Variants in GRIN2A observed in about 807,000 individuals in gnomAD.
GRIN2A encodes the protein glutamate ionotropic receptor NMDA type subunit 2A.
Under a neutral mutation model 113.4 loss-of-function variants are expected in GRIN2A, and 22 were observed. The ratio of observed to expected loss-of-function variants is 0.19; its 90% confidence interval spans 0.14 to 0.28. GRIN2A has a LOEUF of 0.28. Ranked by LOEUF, GRIN2A falls within the 10% of genes least tolerant of loss-of-function variation. The probability of loss-of-function intolerance (pLI) is 1.00; values close to 1 mark genes in which losing one functional copy is unlikely to be tolerated. For synonymous variants in GRIN2A, 827 were observed against 738.4 expected (o/e 1.12, Z -1.94); for missense variants, 1,502 against 1,887.0 (o/e 0.80, Z 3.78).
chr16:10,172,488 G>A (rs2142362152), intron 2 of GRIN2A, among the ~76,000 whole-genome samples: 1 of 152,350 alleles, frequency 6.6e-6, no homozygotes, highest in South Asian at 2.1e-4. Context: ...ACAGCCAAGT[G>A]CCTTCAGGAT....
At chr16:9,820,199 C>G (rs973687788) in intron 10 of GRIN2A, among the ~76,000 whole-genome samples, 1 of 152,122 alleles carries the variant, frequency 6.6e-6, no homozygotes, top group African/African-American at 2.4e-5. Flanking sequence ...ATTTTGTGCT[C>G]TGGTTAATAA....
intron 3 of GRIN2A, among the ~76,000 whole-genome samples, chr16:9,903,286 C>G (rs2043969413): frequency 3.3e-5 from 5 of 152,036 alleles, no homozygotes; most frequent in Admixed American, 2.6e-4. Context: ...TTTTCTTAAT[C>G]CATTCCTCAT....
intron 2 of GRIN2A, among the ~76,000 whole-genome samples, chr16:9,941,105 A>G (rs1490896992): frequency 1.3e-5 from 2 of 152,228 alleles, no homozygotes; most frequent in South Asian, 2.1e-4. Context: ...TCTTGCACTA[A>G]GTACACAAGG....
chr16:9,958,009 G>A (rs191148696), intron 2 of GRIN2A, among the ~76,000 whole-genome samples: 1 of 152,104 alleles, frequency 6.6e-6, no homozygotes, highest in African/African-American at 2.4e-5. Context: ...AGTTATACCA[G>A]GAAAGAGAGA....
chr16:9,948,400 C>T (rs1370647314), intron 2 of GRIN2A, among the ~76,000 whole-genome samples: 2 of 152,184 alleles, frequency 1.3e-5, no homozygotes, highest in African/African-American at 4.8e-5. Flanking sequence ...TCAGTTGCTG[C>T]TAGTCCATGG....
At chr16:10,011,946 G>A (rs1212710062) in intron 2 of GRIN2A, among the ~76,000 whole-genome samples, 5 of 152,132 alleles carry the variant, frequency 3.3e-5, no homozygotes, top group Non-Finnish European at 2.9e-5. Flanking sequence ...TTTTCTGGAG[G>A]CTGGAGACCA....
chr16:10,104,701 A>G (rs2048461635), intron 2 of GRIN2A, among the ~76,000 whole-genome samples: 1 of 152,182 alleles, frequency 6.6e-6, no homozygotes, highest in African/African-American at 2.4e-5. Context: ...CTAGGCAAAA[A>G]GTGCAAAGCA....
At chr16:9,964,256 A>G (rs986720095) in intron 2 of GRIN2A, among the ~76,000 whole-genome samples, 3 of 152,216 alleles carry the variant, frequency 2.0e-5, no homozygotes, top group Non-Finnish European at 4.4e-5. Context: ...TTACAGTACA[A>G]GTGTGGCCCT....
intron 3 of GRIN2A, among the ~76,000 whole-genome samples, chr16:9,892,144 T>C (rs369951517): frequency 6.6e-6 from 1 of 152,034 alleles, no homozygotes; most frequent in East Asian, 1.9e-4. Context: ...GGCAGGAGAA[T>C]TGCTTGAACC....
In GRIN2A at chr16:9,756,981, G is replaced by A. The variant is rs1330990137; in HGVS notation, c.*6168C>T. 5.1e-6 allele frequency: 1 copy of A among 194,808 alleles called. No homozygotes were observed. The highest frequency in any genetic ancestry group is 1.1e-5 in the Non-Finnish European group (1 of 93,614). 12.1% of individuals were successfully genotyped at this position (194,808 alleles called of 1,614,324 possible). A position where few individuals can be genotyped will look rare whatever the true frequency, so the allele number is the denominator to read the frequency against. On this transcript the variant is annotated 3_prime_UTR_variant, in exon 13 of 13. Transcript: ENST00000330684. ...AAGAATTTTCCCTCTATGCTTCCCT[G>A]ATACATTCATACCCTGGTGTATCAG... is the stretch of plus-strand genomic sequence containing the variant.
At chr16:9,912,798 T>C (rs938088778) in intron 3 of GRIN2A, among the ~76,000 whole-genome samples, 1 of 152,204 alleles carries the variant, frequency 6.6e-6, no homozygotes. Context: ...CAATTAAAGG[T>C]GAATGATCTG....
At chr16:10,125,334 G>C (rs1221001947) in intron 2 of GRIN2A, among the ~76,000 whole-genome samples, 1 of 152,138 alleles carries the variant, frequency 6.6e-6, no homozygotes. Context: ...GGGCAGCAAA[G>C]AATATTTGGC....
intron 2 of GRIN2A, among the ~76,000 whole-genome samples, chr16:10,057,931 C>T (rs1028663817): frequency 6.6e-6 from 1 of 152,116 alleles, no homozygotes; most frequent in African/African-American, 2.4e-5. Flanking sequence ...CTTCAAATTC[C>T]TTCTCAGAAC....
chr16:9,934,705 A>AAAAAG (rs2044671747), intron 3 of GRIN2A, among the ~76,000 whole-genome samples: 12 of 146,638 alleles, frequency 8.2e-5, no homozygotes, highest in South Asian at 2.2e-4. Context: ...AAAAAAAAAA[A>AAAAAG]GGAGATATAA....
chr16:9,970,718 A>C, intron 2 of GRIN2A: 1 of 937,936 alleles, frequency 1.1e-6, no homozygotes, highest in Non-Finnish European at 1.3e-6. Flanking sequence ...AAGATAAAAT[A>C]AATAAAGCAG....
intron 11 of GRIN2A, among the ~76,000 whole-genome samples, chr16:9,785,199 A>T (rs1235120784): frequency 5.3e-5 from 8 of 152,168 alleles, no homozygotes; most frequent in Admixed American, 3.3e-4. Flanking sequence ...TAAATGTCCA[A>T]CAATGATAGA....
At chr16:9,784,477 CA>C in intron 11 of GRIN2A, among the ~76,000 whole-genome samples, 1 of 135,444 alleles carries the variant, frequency 7.4e-6, no homozygotes, top group Non-Finnish European at 1.6e-5. Context: ...AACCTAAAAC[CA>C]TAAAAACCCT....
In GRIN2A at chr16:9,784,462, CA is replaced by C. The variant is rs796182471; in HGVS notation, c.2356+13814del. Among the ~76,000 whole-genome samples, 1,038 of 144,904 alleles carry C rather than the reference CA, an allele frequency of 7.2e-3. 10 individuals are homozygous for C. Among genetic ancestry groups the C allele is most frequent in the African/African-American group, 0.026 (989 of 38,416 alleles). ...CAACCAAAAAAAAAAAACAAACAAA[CA>C]AAAAACCTAAAACCATAAAAACCCT... On this transcript the variant is annotated intron_variant, in intron 11 of 12. Transcript: ENST00000330684.
intron 2 of GRIN2A, among the ~76,000 whole-genome samples, chr16:10,046,543 T>C (rs774896419): frequency 1.3e-5 from 2 of 152,146 alleles, no homozygotes; most frequent in Non-Finnish European, 2.9e-5. Context: ...TTCTCTCGCT[T>C]ATTAGTAGTC....
Sources: allele counts gnomAD v4.1 joint callset (sites outside exome capture counted in the v4.1 genomes callset), GRCh38; gene constraint gnomAD v4.1.1; transcripts MANE v1.5; gene names NCBI Gene and HGNC (gene_info 2026-07-23, HGNC 2026-07-21).